MARCHF1: variants seen among roughly 807,000 people sequenced by gnomAD.
MARCHF1 encodes membrane associated ring-CH-type finger 1, also known as E3 ubiquitin-protein ligase MARCHF1.
A neutral mutation model predicts 54.2 loss-of-function variants in MARCHF1; 40 were observed. The observed-to-expected ratio is 0.74, with a 90% CI of 0.57 to 0.96. The LOEUF is 0.96. MARCHF1 is among the 40% of genes least tolerant of loss of function. The pLI, the probability that MARCHF1 is intolerant of heterozygous loss-of-function variation, is 0.00. For synonymous variants in MARCHF1, 236 were observed against 236.3 expected (o/e 1.00, Z 0.01); for missense variants, 586 against 656.5 (o/e 0.89, Z 1.17).
At chr4:163,799,558 C>T (rs1216285719) in intron 4 of MARCHF1, among the ~76,000 whole-genome samples, 1 of 152,092 alleles carries the variant, frequency 6.6e-6, no homozygotes, top group Non-Finnish European at 1.5e-5. Context: ...AAAACAAATA[C>T]ACACATATAC....
intron 3 of MARCHF1, among the ~76,000 whole-genome samples, chr4:163,957,320 A>G (rs1244556681): frequency 6.6e-6 from 1 of 152,062 alleles, no homozygotes; most frequent in Non-Finnish European, 1.5e-5. Context: ...CAGTAGTTCT[A>G]AAGTTTCTTA....
intron 5 of MARCHF1, among the ~76,000 whole-genome samples, chr4:163,647,224 T>C (rs974119888): frequency 5.9e-5 from 9 of 152,088 alleles, no homozygotes; most frequent in Non-Finnish European, 1.2e-4. Flanking sequence ...CTTGTAAATG[T>C]ATAATATATG....
chr4:163,583,770 C>T (rs922808492), intron 8 of MARCHF1: 2 of 150,718 alleles, frequency 1.3e-5, no homozygotes, highest in Non-Finnish European at 1.5e-5. Context: ...CTTCCTCAGC[C>T]TCTTGAGTAG....
intron 4 of MARCHF1, among the ~76,000 whole-genome samples, chr4:163,799,718 T>C (rs1251106791): frequency 2.0e-5 from 3 of 152,090 alleles, no homozygotes; most frequent in Non-Finnish European, 4.4e-5. Flanking sequence ...AAAAGTAATA[T>C]ATCCAGTAAT....
At chr4:163,749,276 A>C (rs1348514205) in intron 4 of MARCHF1, among the ~76,000 whole-genome samples, 1 of 150,756 alleles carries the variant, frequency 6.6e-6, no homozygotes, top group Admixed American at 6.6e-5. Context: ...AAATTCACTT[A>C]CTGTTTCTAG....
intron 2 of MARCHF1, among the ~76,000 whole-genome samples, chr4:164,015,167 A>C (rs1180782624): frequency 3.3e-5 from 5 of 152,124 alleles, no homozygotes; most frequent in African/African-American, 1.2e-4. Flanking sequence ...TGGTTATCTC[A>C]TTTTTTGACA....
At chr4:163,698,797 G>C (rs1046114675) in intron 5 of MARCHF1, among the ~76,000 whole-genome samples, 1 of 152,166 alleles carries the variant, frequency 6.6e-6, no homozygotes, top group Non-Finnish European at 1.5e-5. Flanking sequence ...CAAAGGCGTT[G>C]TCAGTACTGT....
At chr4:163,785,873 G>A (rs917010656) in intron 4 of MARCHF1, among the ~76,000 whole-genome samples, 3 of 151,992 alleles carry the variant, frequency 2.0e-5, no homozygotes, top group African/African-American at 7.2e-5. Context: ...CTGGGATGGT[G>A]AAAATATTCT....
chr4:164,054,907 AC>A (rs1281646918), intron 2 of MARCHF1, among the ~76,000 whole-genome samples: 2 of 151,964 alleles, frequency 1.3e-5, no homozygotes, highest in African/African-American at 4.8e-5. Context: ...GTGCACATGT[AC>A]CCTAAAACTT....
intron 1 of MARCHF1, among the ~76,000 whole-genome samples, chr4:164,301,907 G>C (rs1003039715): frequency 1.3e-5 from 2 of 152,150 alleles, no homozygotes; most frequent in African/African-American, 2.4e-5. Context: ...GTGAAGAAGG[G>C]GGAAAGACAT....
chr4:163,867,529 T>C (rs1474119429), intron 3 of MARCHF1, among the ~76,000 whole-genome samples: 1 of 151,658 alleles, frequency 6.6e-6, no homozygotes, highest in Admixed American at 6.6e-5. Flanking sequence ...ATTCAAATGG[T>C]AGAAATATAA....
intron 4 of MARCHF1, among the ~76,000 whole-genome samples, chr4:163,801,883 T>C (rs1748092505): frequency 6.6e-6 from 1 of 152,154 alleles, no homozygotes; most frequent in African/African-American, 2.4e-5. Flanking sequence ...GCATTGAGTA[T>C]ATCGTTTATC....
At chr4:163,957,657 G>T (rs113080502) in intron 3 of MARCHF1, among the ~76,000 whole-genome samples, 1,533 of 152,024 alleles carry the variant, frequency 0.01, 13 homozygotes, top group Non-Finnish European at 0.017. Context: ...ATTGTTTCCT[G>T]ATAAGGAAAT....
rs1561008846 is a variant in MARCHF1 at position 164,340,408 on chromosome 4, TATATAGA to T, written c.-323+43455_-323+43461del. On this transcript the variant is annotated intron_variant, in intron 1 of 9. Transcript: ENST00000514618. ...GCACATGCCACCAGGCCTTGATTTA[TATATAGA>T]TATATATATATATATATATAGTTTG... Among the ~76,000 whole-genome samples, 51 of 121,934 alleles carry T rather than the reference TATATAGA, an allele frequency of 4.2e-4. 8 individuals carry two copies. Among genetic ancestry groups the T allele is most frequent in the Admixed American group, 1.1e-3 (13 of 11,322 alleles). 80.0% of individuals were successfully genotyped at this position (121,934 alleles called of 152,430 possible).
At chr4:164,033,757 A>T (rs534142770) in intron 2 of MARCHF1, among the ~76,000 whole-genome samples, 2 of 152,310 alleles carry the variant, frequency 1.3e-5, no homozygotes, top group East Asian at 3.9e-4. Flanking sequence ...GGCAATTATT[A>T]AAAAGTAAAA....
intron 4 of MARCHF1, among the ~76,000 whole-genome samples, chr4:163,744,047 A>C (rs1746286634): frequency 6.6e-6 from 1 of 152,138 alleles, no homozygotes; most frequent in Non-Finnish European, 1.5e-5. Flanking sequence ...TATTAATCTA[A>C]ATTTGGAAAT....
At chr4:163,851,730 C>T (rs893697148) in intron 4 of MARCHF1, among the ~76,000 whole-genome samples, 1 of 152,212 alleles carries the variant, frequency 6.6e-6, no homozygotes, top group African/African-American at 2.4e-5. Context: ...TCCCTTGCAA[C>T]TCAGTTGGGC....
chr4:163,911,738 C>G (rs528518693), intron 3 of MARCHF1, among the ~76,000 whole-genome samples: 12 of 152,262 alleles, frequency 7.9e-5, no homozygotes, highest in African/African-American at 2.9e-4. Flanking sequence ...TTTCTTCCTT[C>G]TCATAAAAGA....
At chr4:163,888,165 A>G (rs1254077676) in intron 3 of MARCHF1, among the ~76,000 whole-genome samples, 2 of 152,220 alleles carry the variant, frequency 1.3e-5, no homozygotes, top group Non-Finnish European at 2.9e-5. Context: ...CTGCAGATTT[A>G]TCCTAGAACT....
Sources: gnomAD v4.1 joint callset for allele counts (sites outside exome capture counted in the v4.1 genomes callset) on GRCh38, gnomAD v4.1.1 for gene constraint, MANE v1.5 for transcripts, NCBI Gene and HGNC (gene_info 2026-07-23, HGNC 2026-07-21) for gene names.